LDB2: variants seen among roughly 807,000 people sequenced by gnomAD.
LDB2 encodes LIM domain binding 2.
LDB2 carries 12 observed loss-of-function variants against 44.3 expected under a neutral mutation model. The ratio of observed to expected loss-of-function variants is 0.27; its 90% CI spans 0.17 to 0.44. The LOEUF is 0.44. Among genes scored for constraint, LDB2 ranks in the 20% least tolerant of loss-of-function variants. LDB2 has a pLI of 1.00. For synonymous variants in LDB2, 164 were observed against 174.8 expected (o/e 0.94, Z 0.49); for missense variants, 344 against 473.5 (o/e 0.73, Z 2.54).
chr4:16,664,263 T>C (rs1230731595), intron 2 of LDB2, among the ~76,000 whole-genome samples: 2 of 152,208 alleles, frequency 1.3e-5, no homozygotes, highest in East Asian at 3.9e-4. Context: ...GAGAAGATAC[T>C]GTCTGAACCA....
intron 2 of LDB2, among the ~76,000 whole-genome samples, chr4:16,711,503 T>A (rs955301991): frequency 6.6e-6 from 1 of 152,168 alleles, no homozygotes; most frequent in African/African-American, 2.4e-5. Flanking sequence ...AAATTAGACT[T>A]TTTATTAAGG....
At chr4:16,620,364 A>G (rs1049738633) in intron 2 of LDB2, among the ~76,000 whole-genome samples, 2 of 152,218 alleles carry the variant, frequency 1.3e-5, no homozygotes, top group African/African-American at 4.8e-5. Flanking sequence ...CTGAGTTGTT[A>G]GAATTATATG....
intron 2 of LDB2, among the ~76,000 whole-genome samples, chr4:16,686,449 G>A (rs1749269020): frequency 1.3e-5 from 2 of 152,248 alleles, no homozygotes; most frequent in Admixed American, 1.3e-4. Context: ...AACATGCAAG[G>A]AAAGACTACG....
intron 1 of LDB2, among the ~76,000 whole-genome samples, chr4:16,777,471 G>A (rs936943077): frequency 1.3e-5 from 2 of 152,104 alleles, no homozygotes; most frequent in African/African-American, 4.8e-5. Context: ...AGCTGGCGGT[G>A]GGAGGCTGAA....
intron 3 of LDB2, among the ~76,000 whole-genome samples, chr4:16,593,579 C>T (rs1719866723): frequency 6.6e-6 from 1 of 152,060 alleles, no homozygotes; most frequent in African/African-American, 2.4e-5. Flanking sequence ...GTCCATGAAA[C>T]TGAGCTCCAT....
rs146344483 is a variant in LDB2, at chr4:16,743,435, G to A, written c.235+15723C>T. 4.8e-3 allele frequency among the ~76,000 whole-genome samples: 737 copies of A among 152,154 alleles called. 6 individuals are homozygous for A. Among genetic ancestry groups the A allele is most frequent in the African/African-American group, 0.016 (684 of 41,492 alleles). On this transcript the variant is annotated intron_variant, in intron 2 of 7. Coordinates refer to ENST00000304523, the MANE Select transcript of LDB2 (RefSeq NM_001290.5). The stretch of plus-strand genomic sequence containing the variant: ...GCATAATCCCTCTCCTTGATCATGA[G>A]TGGCTCTTGTGACTATGATGGGATA...
chr4:16,672,930 C>T lies in LDB2; in HGVS notation c.236-77055G>A, dbSNP rs546301315. Among the ~76,000 whole-genome samples the T allele has an allele frequency of 8.1e-5, 12 of 148,710 alleles. No homozygotes were observed. The South Asian group carries it at 1.3e-3, about 16-fold the overall frequency. ...TCCTTATCTTTTTTCTCTTCCTTCT[C>T]GCTTCTCTCCCTCCTTCTCTCTTTT... On this transcript the variant is annotated intron_variant, in intron 2 of 7. Coordinates refer to ENST00000304523, the MANE Select transcript of LDB2 (RefSeq NM_001290.5).
chr4:16,876,891 G>A (rs1229826675), intron 1 of LDB2, among the ~76,000 whole-genome samples: 1 of 150,302 alleles, frequency 6.7e-6, no homozygotes, highest in Non-Finnish European at 1.5e-5. Context: ...TTCCCAATGT[G>A]GAATTTGTAT....
chr4:16,605,050 T>G (rs1723551882), intron 2 of LDB2, among the ~76,000 whole-genome samples: 1 of 152,150 alleles, frequency 6.6e-6, no homozygotes, highest in Non-Finnish European at 1.5e-5. Flanking sequence ...CCCAATGGAT[T>G]CCTGAAGGTC....
intron 1 of LDB2, among the ~76,000 whole-genome samples, chr4:16,818,888 T>C (rs1054439181): frequency 6.6e-6 from 1 of 152,218 alleles, no homozygotes; most frequent in Non-Finnish European, 1.5e-5. Context: ...CTAGGCAGTG[T>C]TGCTGCTCTC....
In LDB2 at chr4:16,535,127, C is replaced by T. The variant is rs1003431650; in HGVS notation, c.616-23023G>A. ...GGCTTCGGGTCAGCTGCTGTGATTG[C>T]GTGAGAGAAGGACTGAAGTAATTGC... On this transcript the variant is annotated intron_variant, in intron 5 of 7. Coordinates refer to ENST00000304523, the MANE Select transcript of LDB2 (RefSeq NM_001290.5). Among the ~76,000 whole-genome samples the T allele has an allele frequency of 6.6e-5, 10 of 152,116 alleles. No individual in the cohort carries two copies. In the South Asian group the frequency reaches 1.2e-3, roughly 19 times the overall value.
intron 1 of LDB2, among the ~76,000 whole-genome samples, chr4:16,759,921 TTC>T (rs1767526964): frequency 6.6e-6 from 1 of 152,170 alleles, no homozygotes; most frequent in Non-Finnish European, 1.5e-5. Context: ...TCCATATGAA[TTC>T]TGTTTGTTTG....
chr4:16,671,532 C>G (rs1446387502), intron 2 of LDB2, among the ~76,000 whole-genome samples: 1 of 152,178 alleles, frequency 6.6e-6, no homozygotes, highest in African/African-American at 2.4e-5. Context: ...AGTCCAGCAG[C>G]TCAGCCAATT....
chr4:16,753,106 C>T (rs886736776), intron 2 of LDB2, among the ~76,000 whole-genome samples: 5 of 152,206 alleles, frequency 3.3e-5, no homozygotes, highest in African/African-American at 1.2e-4. Flanking sequence ...TCCCATTCCC[C>T]ATGTGCTGCA....
intron 1 of LDB2, among the ~76,000 whole-genome samples, chr4:16,840,227 A>T (rs1406672366): frequency 2.6e-5 from 4 of 152,254 alleles, no homozygotes; most frequent in Non-Finnish European, 1.5e-5. Context: ...TGAGCCCAGC[A>T]GTCAGCACCA....
intron 2 of LDB2, among the ~76,000 whole-genome samples, chr4:16,706,555 C>T (rs883275): frequency 0.21 from 31,589 of 152,170 alleles, 3,986 homozygotes; most frequent in South Asian, 0.3. Context: ...TGGACTAAGA[C>T]ATAAAGAGCA....
chr4:16,870,866 T>A (rs550603511), intron 1 of LDB2, among the ~76,000 whole-genome samples: 1 of 152,216 alleles, frequency 6.6e-6, no homozygotes, highest in East Asian at 1.9e-4. Context: ...ACTCCTGACC[T>A]CAGGTGATCC....
At chr4:16,669,007 G>C (rs1744044450) in intron 2 of LDB2, among the ~76,000 whole-genome samples, 1 of 152,176 alleles carries the variant, frequency 6.6e-6, no homozygotes, top group South Asian at 2.1e-4. Flanking sequence ...CTAGGAAATG[G>C]GGTCAATCCC....
chr4:16,862,404 C>T (rs1424680074), intron 1 of LDB2, among the ~76,000 whole-genome samples: 5 of 151,958 alleles, frequency 3.3e-5, no homozygotes, highest in Non-Finnish European at 7.4e-5. Context: ...GAGGCCAAGG[C>T]AGGTGGATCA....
Sources: gnomAD v4.1 joint callset for allele counts (sites outside exome capture counted in the v4.1 genomes callset) on GRCh38, gnomAD v4.1.1 for gene constraint, MANE v1.5 for transcripts, NCBI Gene and HGNC (gene_info 2026-07-23, HGNC 2026-07-21) for gene names.